PTK7: variants seen among roughly 807,000 people sequenced by gnomAD.
PTK7 encodes protein tyrosine kinase 7 (inactive).
PTK7 carries 39 observed loss-of-function variants against 116.6 expected under a neutral mutation model. That is an observed-to-expected ratio of 0.33 (90% CI 0.26 to 0.44). The LOEUF (loss-of-function observed/expected upper bound fraction) is 0.44, where lower values mean the gene tolerates loss of function less well. Ranked by LOEUF, PTK7 falls within the 20% of genes least tolerant of loss-of-function variation. The pLI is 1.00. For missense variants in PTK7, 1,169 were observed against 1,425.6 expected, an observed-to-expected ratio of 0.82 and a Z score of 2.90; for synonymous variants, 546 against 563.6, an observed-to-expected ratio of 0.97 and a Z score of 0.44.
At chr6:43,116,649 T>TGA (rs1212265599) in intron 1 of PTK7, among the ~76,000 whole-genome samples, 1 of 73,500 alleles carries the variant, frequency 1.4e-5, no homozygotes, top group Admixed American at 1.2e-4. Flanking sequence ...TGTGTGTGTG[T>TGA]GTGCGCGCGC....
At chr6:43,153,602 G>T (rs1191303964) in intron 17 of PTK7, among the ~76,000 whole-genome samples, 1 of 152,032 alleles carries the variant, frequency 6.6e-6, no homozygotes, top group African/African-American at 2.4e-5. Flanking sequence ...TAGAGAATGG[G>T]GTCTCACTAT....
intron 1 of PTK7, among the ~76,000 whole-genome samples, chr6:43,101,237 G>GAAA (rs1335950674): frequency 7.6e-5 from 11 of 144,060 alleles, no homozygotes; most frequent in African/African-American, 2.8e-4. Flanking sequence ...AAGAAAGAAA[G>GAAA]AAAGAAAGAG....
intron 1 of PTK7, among the ~76,000 whole-genome samples, chr6:43,081,723 A>G (rs2007950): frequency 0.69 from 105,142 of 152,156 alleles, 38,317 homozygotes; most frequent in African/African-American, 0.93. Flanking sequence ...AGGTCCTCAT[A>G]TAGGTTTATT....
intron 1 of PTK7, among the ~76,000 whole-genome samples, chr6:43,111,682 G>A (rs1768199794): frequency 6.6e-6 from 1 of 151,798 alleles, no homozygotes; most frequent in Non-Finnish European, 1.5e-5. Flanking sequence ...TATTTATTTT[G>A]AGACAGGTCT....
chr6:43,139,564 A>C lies in PTK7; in HGVS notation c.1618+39A>C, dbSNP rs1393113388. ...CGGCATAGGGTAGGGGCAGGCAGGCAGTTCACTGATCAGATACATACCTGA... is the reference window on the plus strand; with the variant it reads ...CGGCATAGGGTAGGGGCAGGCAGGCCGTTCACTGATCAGATACATACCTGA... On this transcript the variant is annotated intron_variant, in intron 10 of 19. Coordinates refer to ENST00000230419, the MANE Select transcript of PTK7 (RefSeq NM_002821.5). This position sits in a 1 kb window ranked among gnomAD's most constrained non-coding sequence, Gnocchi z 4.6. The C allele has an allele frequency of 3.7e-6, 6 of 1,611,618 alleles. No individual in the cohort carries two copies. Among genetic ancestry groups the C allele is most frequent in the Non-Finnish European group, 5.1e-6 (6 of 1,179,322 alleles).
chr6:43,078,897 C>T (rs1766210156), intron 1 of PTK7, among the ~76,000 whole-genome samples: 1 of 152,196 alleles, frequency 6.6e-6, no homozygotes, highest in Non-Finnish European at 1.5e-5. Context: ...ATTGAGTCGT[C>T]ATGTTCTGGG....
At position 43,096,285 on chromosome 6, in the gene PTK7, T is replaced by C. The variant is rs1436033775; in HGVS notation, c.79+19718T>C. Among the ~76,000 whole-genome samples the C allele has an allele frequency of 2.0e-5, 3 of 152,200 alleles. No individual in the cohort carries two copies. The East Asian group carries it at 5.8e-4, about 29-fold the overall frequency. The stretch of plus-strand genomic sequence containing the variant: ...TGCTCTCAGACTCCTGAAAAACTGC[T>C]TTCAGTTTTTGCTGCCAAAACAGAA... On this transcript the variant is annotated intron_variant, in intron 1 of 19. Coordinates refer to ENST00000230419, the MANE Select transcript of PTK7 (RefSeq NM_002821.5).
chr6:43,116,649 T>TGCGCGC lies in PTK7; in HGVS notation c.80-12327_80-12326insCGCGCG, dbSNP rs1212265599. Among the ~76,000 whole-genome samples, 104 of 73,566 alleles carry TGCGCGC rather than the reference T, an allele frequency of 1.4e-3. 1 individual carries two copies. The highest frequency in any genetic ancestry group is 7.1e-3 in the African/African-American group (97 of 13,618). 48.3% of individuals were successfully genotyped at this position (73,566 alleles called of 152,430 possible). On this transcript the variant is annotated intron_variant, in intron 1 of 19. Transcript: ENST00000230419. ...GTGTGTGTGTGTGTGTGTGTGTGTG[T>TGCGCGC]GTGCGCGCGCACGCACGCACGCATA...
chr6:43,144,605 G>A lies in PTK7; in HGVS notation c.2406G>A (p.Leu802=), dbSNP rs1271802489. The change falls in exon 15 of 20, where the codon CTG becomes CTA. Residue 802 remains leucine, a splice_region_variant and synonymous_variant. Coordinates refer to ENST00000230419, the MANE Select transcript of PTK7 (RefSeq NM_002821.5). ...CTAGCCTGCAGCCCATCACCACGCT[G>A]GGTATGTTGCCTTGACTACAGCTGC... is the stretch of plus-strand genomic sequence containing the variant. ...PRSSLQPITT[L]GKSEFGEVFL... is the part of the protein sequence containing the mutation. 6.2e-7 allele frequency: 1 copy of A among 1,608,254 alleles called. No homozygotes were observed. The highest frequency in any genetic ancestry group is 1.3e-5 in the African/African-American group (1 of 74,850).
At chr6:43,144,240 A>C in intron 14 of PTK7, 1 of 585,976 alleles carries the variant, frequency 1.7e-6, no homozygotes, top group Admixed American at 3.0e-5. Context: ...AATCAGCTGC[A>C]TCACTAAGGG....
intron 1 of PTK7, among the ~76,000 whole-genome samples, chr6:43,105,013 G>A (rs945761321): frequency 3.2e-4 from 48 of 150,720 alleles, no homozygotes; most frequent in Admixed American, 6.6e-4. Flanking sequence ...GTGTTTCACC[G>A]TGTTAGCCAG....
In PTK7 at chr6:43,143,598, G is replaced by A. The variant is rs758205751; in HGVS notation, c.2229G>A (p.Glu743=). ...KRLQKQPEGE[E]PEMECLNGGP... ...TGCAGAAGCAGCCCGAGGGCGAGGA[G>A]CCAGAGATGGAATGCCTCAACGGTG... Residue 743 remains glutamate (E), a synonymous_variant, in exon 14 of 20, where the codon GAG becomes GAA. Coordinates refer to ENST00000230419, the MANE Select transcript of PTK7 (RefSeq NM_002821.5). This position sits in a 1 kb window ranked among gnomAD's most constrained non-coding sequence, Gnocchi z 4.2. 1 of 1,609,148 alleles carries A rather than the reference G, an allele frequency of 6.2e-7. No homozygotes were observed. The highest frequency in any genetic ancestry group is 1.3e-5 in the African/African-American group (1 of 74,956).
chr6:43,099,838 G>A (rs1231115212), intron 1 of PTK7, among the ~76,000 whole-genome samples: 1 of 152,134 alleles, frequency 6.6e-6, no homozygotes, highest in Non-Finnish European at 1.5e-5. Context: ...TGGAGGCCGA[G>A]GCAGGCAGAT....
At position 43,147,682 on chromosome 6, in the gene PTK7, ATC is replaced by A. The variant is rs2150461165; in HGVS notation, c.2721+990_2721+991del. ...GTGAATGGGACCCTGGCTGCCCCCAATCTCTCTGGGGAAGCAGCTCTGTGCCC... is the reference window on the plus strand; with the variant it reads ...GTGAATGGGACCCTGGCTGCCCCCAATCTCTGGGGAAGCAGCTCTGTGCCC... On this transcript the variant is annotated intron_variant, in intron 17 of 19. Coordinates refer to ENST00000230419, the MANE Select transcript of PTK7 (RefSeq NM_002821.5). Among the ~76,000 whole-genome samples, 2 of 152,246 alleles carry A rather than the reference ATC, an allele frequency of 1.3e-5. 1 individual carries two copies. The highest frequency in any genetic ancestry group is 3.9e-4 in the East Asian group (2 of 5,168).
chr6:43,112,746 C>G (rs186594617), intron 1 of PTK7, among the ~76,000 whole-genome samples: 113 of 152,256 alleles, frequency 7.4e-4, no homozygotes, highest in Admixed American at 1.4e-3. Flanking sequence ...AAGGCCTAGA[C>G]AACAAGATGA....
chr6:43,122,258 G>T (rs1769006857), intron 1 of PTK7, among the ~76,000 whole-genome samples: 1 of 152,210 alleles, frequency 6.6e-6, no homozygotes, highest in Non-Finnish European at 1.5e-5. Flanking sequence ...CTGGGCCCTG[G>T]GGGAGGATTA....
At chr6:43,160,432 A>G (rs932651562) in intron 19 of PTK7, among the ~76,000 whole-genome samples, 16 of 151,900 alleles carry the variant, frequency 1.1e-4, no homozygotes, top group Non-Finnish European at 1.9e-4. Context: ...ATACTGCAAT[A>G]CTTCTATATT....
chr6:43,088,864 A>C lies in PTK7; in HGVS notation c.79+12297A>C, dbSNP rs1012885599. On this transcript the variant is annotated intron_variant, in intron 1 of 19. Coordinates refer to ENST00000230419, the MANE Select transcript of PTK7 (RefSeq NM_002821.5). ...CTGGTGCTGCTGGAAGGTCACAGGC[A>C]GTTGCAGGCCCTGGCTTGTAGGTGC... Among the ~76,000 whole-genome samples, 5 of 152,282 alleles carry C rather than the reference A, an allele frequency of 3.3e-5. No individual in the cohort carries two copies. In the South Asian group the frequency reaches 1.0e-3, roughly 32 times the overall value.
intron 1 of PTK7, among the ~76,000 whole-genome samples, chr6:43,089,850 C>A (rs1253425459): frequency 6.6e-6 from 1 of 152,222 alleles, no homozygotes; most frequent in African/African-American, 2.4e-5. Context: ...TTAATAAACA[C>A]CTGCACCCTG....
Sources: allele counts gnomAD v4.1 joint callset (sites outside exome capture counted in the v4.1 genomes callset), GRCh38; gene constraint gnomAD v4.1.1; non-coding constraint Gnocchi (gnomAD v3.1); transcripts MANE v1.5; gene names NCBI Gene and HGNC (gene_info 2026-07-23, HGNC 2026-07-21).